GALNT13: variants seen among roughly 807,000 people sequenced by gnomAD.
GALNT13 encodes UDP-GalNAc:polypeptide N-acetylgalactosaminyltransferase 13.
In GALNT13, 28 loss-of-function variants were observed where a neutral mutation model predicts 64.2. The ratio of observed to expected loss-of-function variants is 0.44; its 90% CI spans 0.32 to 0.60. The LOEUF (loss-of-function observed/expected upper bound fraction) is 0.60, where lower values mean the gene tolerates loss of function less well. Among genes scored for constraint, GALNT13 ranks in the 20% least tolerant of loss-of-function variants. The pLI, the probability that GALNT13 is intolerant of heterozygous loss-of-function variation, is 0.05. For synonymous variants in GALNT13, 214 were observed against 224.6 expected (o/e 0.95, Z 0.42); for missense variants, 577 against 669.8 (o/e 0.86, Z 1.53).
chr2:153,428,053 T>C, the GALNT13 span, among the ~76,000 whole-genome samples: 1 of 152,232 alleles, frequency 6.6e-6, no homozygotes, highest in Non-Finnish European at 1.5e-5. Flanking sequence ...AGACATGCAT[T>C]CAATACAGAG....
the GALNT13 span, among the ~76,000 whole-genome samples, chr2:153,230,769 C>T: frequency 2.2e-4 from 34 of 152,266 alleles, no homozygotes; most frequent in Middle Eastern, 3.4e-3. Flanking sequence ...CCCTTCTATT[C>T]CACCTTTTGA....
intron 4 of GALNT13, among the ~76,000 whole-genome samples, chr2:154,238,816 C>G (rs1314130202): frequency 6.6e-6 from 1 of 151,950 alleles, no homozygotes; most frequent in Non-Finnish European, 1.5e-5. Context: ...TCTGCCAGCT[C>G]ACATCTTTAT....
chr2:154,343,145 A>G (rs1695868318), intron 9 of GALNT13, among the ~76,000 whole-genome samples: 1 of 151,940 alleles, frequency 6.6e-6, no homozygotes, highest in Admixed American at 6.6e-5. Flanking sequence ...TTTGGAGCTA[A>G]ACATGGGGGC....
At chr2:153,630,796 TATATATATA>T in the GALNT13 span, among the ~76,000 whole-genome samples, 4 of 13,478 alleles carry the variant, frequency 3.0e-4, no homozygotes, top group Admixed American at 1.6e-3. Context: ...TATATATATA[TATATATATA>T]TATTTTTTTT....
chr2:153,654,743 A>T, the GALNT13 span, among the ~76,000 whole-genome samples: 1 of 152,160 alleles, frequency 6.6e-6, no homozygotes, highest in Admixed American at 6.6e-5. Context: ...ATTATTTAAA[A>T]TATCCAGGAG....
chr2:153,394,115 G>T, the GALNT13 span, among the ~76,000 whole-genome samples: 1 of 152,030 alleles, frequency 6.6e-6, no homozygotes, highest in Non-Finnish European at 1.5e-5. Flanking sequence ...AAGAGCCAGT[G>T]TATGACTTGC....
chr2:153,682,074 T>C, the GALNT13 span, among the ~76,000 whole-genome samples: 2 of 151,774 alleles, frequency 1.3e-5, no homozygotes, highest in African/African-American at 4.8e-5. Flanking sequence ...TGGCATATAC[T>C]GTACACTACT....
chr2:153,299,542 T>C, the GALNT13 span, among the ~76,000 whole-genome samples: 1 of 152,238 alleles, frequency 6.6e-6, no homozygotes, highest in African/African-American at 2.4e-5. Flanking sequence ...TATAGCCTTT[T>C]TCGAAGATGC....
the GALNT13 span, among the ~76,000 whole-genome samples, chr2:153,343,263 A>G: frequency 6.6e-6 from 1 of 152,224 alleles, no homozygotes; most frequent in Non-Finnish European, 1.5e-5. Context: ...GTATTACCAT[A>G]TATCTACCAA....
chr2:153,636,309 A>G, the GALNT13 span, among the ~76,000 whole-genome samples: 1 of 152,162 alleles, frequency 6.6e-6, no homozygotes, highest in South Asian at 2.1e-4. Context: ...AGAACAGCAT[A>G]TACTACATTT....
At chr2:153,776,935 A>G in the GALNT13 span, among the ~76,000 whole-genome samples, 1 of 152,216 alleles carries the variant, frequency 6.6e-6, no homozygotes, top group African/African-American at 2.4e-5. Context: ...CTCAGTGAAC[A>G]GGGGAATCTC....
At chr2:153,988,664 T>TA (rs900744807) in intron 3 of GALNT13, among the ~76,000 whole-genome samples, 67 of 152,090 alleles carry the variant, frequency 4.4e-4, no homozygotes, top group African/African-American at 1.5e-3. Flanking sequence ...TAGCTGATGT[T>TA]ATACAGTTGT....
chr2:154,359,082 A>C (rs750181758), intron 9 of GALNT13, among the ~76,000 whole-genome samples: 9 of 152,106 alleles, frequency 5.9e-5, no homozygotes, highest in Non-Finnish European at 1.3e-4. Context: ...GGTGAATCAG[A>C]ACTACAAGGT....
At chr2:154,044,065 C>T (rs541434266) in intron 3 of GALNT13, among the ~76,000 whole-genome samples, 14 of 149,602 alleles carry the variant, frequency 9.4e-5, no homozygotes, top group Admixed American at 1.3e-4. Flanking sequence ...GAGTTAGACT[C>T]TGTCTCAAAA....
At chr2:153,456,438 T>G in the GALNT13 span, among the ~76,000 whole-genome samples, 18 of 152,284 alleles carry the variant, frequency 1.2e-4, no homozygotes, top group East Asian at 3.3e-3. Flanking sequence ...GGTCTGGGTG[T>G]GCTAATATGT....
intron 2 of GALNT13, among the ~76,000 whole-genome samples, chr2:153,902,818 G>A (rs749160933): frequency 1.3e-5 from 2 of 151,958 alleles, no homozygotes; most frequent in Non-Finnish European, 2.9e-5. Flanking sequence ...ACTGAGAGAG[G>A]CATCATTTAA....
At chr2:153,828,974 C>G in the GALNT13 span, among the ~76,000 whole-genome samples, 2 of 152,172 alleles carry the variant, frequency 1.3e-5, no homozygotes, top group African/African-American at 4.8e-5. Flanking sequence ...CCACCAGTCT[C>G]TTTGCTAAAG....
At chr2:154,386,213 A>T (rs1698507356) in intron 9 of GALNT13, among the ~76,000 whole-genome samples, 3 of 152,030 alleles carry the variant, frequency 2.0e-5, no homozygotes, top group African/African-American at 7.2e-5. Context: ...GAGATGGGAG[A>T]TAGTCTCAAA....
At chr2:154,300,414 G>T (rs1228749958) in intron 8 of GALNT13, among the ~76,000 whole-genome samples, 1 of 152,020 alleles carries the variant, frequency 6.6e-6, no homozygotes, top group African/African-American at 2.4e-5. Flanking sequence ...GAAATGGCCA[G>T]AAAGATATTT....
Sources: gnomAD v4.1 joint callset for allele counts (sites outside exome capture counted in the v4.1 genomes callset) on GRCh38, gnomAD v4.1.1 for gene constraint, MANE v1.5 for transcripts, NCBI Gene and HGNC (gene_info 2026-07-23, HGNC 2026-07-21) for gene names.